Variants in ATG4C observed in about 807,000 individuals in gnomAD.
ATG4C encodes cysteine protease ATG4C.
A neutral mutation model predicts 57.6 loss-of-function variants in ATG4C; 56 were observed. The observed-to-expected ratio is 0.97, with a 90% CI of 0.78 to 1.21. ATG4C has a LOEUF of 1.21. Ranked by LOEUF, ATG4C falls within the 50% of genes most tolerant of loss-of-function variation. The pLI is 0.00. For missense variants in ATG4C, 595 were observed against 529.8 expected, an observed-to-expected ratio of 1.12 and a Z score of -1.21; for synonymous variants, 157 against 174.1, an observed-to-expected ratio of 0.90 and a Z score of 0.78.
chr1:62,859,033 G>C (rs578084145), intron 10 of ATG4C, among the ~76,000 whole-genome samples: 145 of 152,256 alleles, frequency 9.5e-4, no homozygotes, highest in African/African-American at 2.9e-3. Context: ...GAATGTACTT[G>C]CATAAACCTG....
Position 62,841,477 on chromosome 1 carries a change from C to T in ATG4C, c.1139C>T (p.Pro380Leu). The change falls in exon 10 of 11, where the codon CCC becomes CTC. Residue 380 changes from proline (P) to leucine (L), a missense_variant. Pro to Leu is a moderately conservative substitution (Grantham distance 98, BLOSUM62 -3). Transcript: ENST00000317868. Reference protein sequence around the residue: ...PKKMSFRKMDPSCTIGFYCRN... With the variant: ...PKKMSFRKMDLSCTIGFYCRN... Reference sequence around the variant, plus strand: ...AAGATGTCTTTTCGAAAAATGGATCCCAGCTGTACAATAGGATTTTACTGT... The same window carrying T: ...AAGATGTCTTTTCGAAAAATGGATCTCAGCTGTACAATAGGATTTTACTGT... 6.2e-7 allele frequency: 1 copy of T among 1,607,338 alleles called. No homozygotes were observed.
chr1:62,800,703 G>A (rs141603335), intron 1 of ATG4C, among the ~76,000 whole-genome samples: 2 of 152,230 alleles, frequency 1.3e-5, no homozygotes, highest in African/African-American at 4.8e-5. Context: ...TGGTGAGAGT[G>A]CTGCTAGTGA....
At chr1:62,836,731 A>G (rs1181517758) in intron 9 of ATG4C, among the ~76,000 whole-genome samples, 2 of 152,096 alleles carry the variant, frequency 1.3e-5, no homozygotes, top group Non-Finnish European at 2.9e-5. Context: ...TTCAATTATT[A>G]AAATCATTTT....
rs138300604 is a variant in ATG4C, at chr1:62,858,620, C to T, written c.1210-5372C>T. Among the ~76,000 whole-genome samples the T allele has an allele frequency of 2.2e-3, 329 of 152,108 alleles. 1 individual carries two copies. The highest frequency in any genetic ancestry group is 0.01 in the Middle Eastern group (3 of 294). On this transcript the variant is annotated intron_variant, in intron 10 of 10. Coordinates refer to ENST00000317868, the MANE Select transcript of ATG4C (RefSeq NM_032852.4). ...AGGAGGAGATAGAGAAGAAATCGTT[C>T]AGAAAATAGAAGGAAAAACAGGAAA... is the stretch of plus-strand genomic sequence containing the variant.
rs529821620 is a variant in ATG4C, at chr1:62,798,735, C to T, written c.-68-4984C>T. 1.4e-4 allele frequency among the ~76,000 whole-genome samples: 22 copies of T among 151,924 alleles called. No homozygotes were observed. The South Asian group carries it at 2.5e-3, about 17-fold the overall frequency. On this transcript the variant is annotated intron_variant, in intron 1 of 10. Transcript: ENST00000317868. ...TCTTGGCTCACTGCAAGCTCTGCCT[C>T]GCAGGTTCAAGTGATTCTCCTGCCT...
intron 3 of ATG4C, 87 bp from the exon 4 acceptor site, chr1:62,816,488 C>A: frequency 4.7e-6 from 4 of 849,078 alleles, no homozygotes; most frequent in Non-Finnish European, 3.4e-6. Context: ...TTGTGACATA[C>A]TTCACATCTT....
intron 9 of ATG4C, chr1:62,835,295 A>G: frequency 3.8e-6 from 1 of 260,526 alleles, no homozygotes; most frequent in East Asian, 1.2e-4. Flanking sequence ...ATTAAATCTT[A>G]GCCTTTAGTT....
chr1:62,857,764 A>G (rs954433640), intron 10 of ATG4C, among the ~76,000 whole-genome samples: 1 of 152,184 alleles, frequency 6.6e-6, no homozygotes, highest in Non-Finnish European at 1.5e-5. Flanking sequence ...TGAATGGTGT[A>G]CAAACACCAT....
chr1:62,796,936 C>T (rs548115268), intron 1 of ATG4C, among the ~76,000 whole-genome samples: 144 of 152,078 alleles, frequency 9.5e-4, no homozygotes, highest in African/African-American at 2.9e-3. Context: ...GGTGAAACCC[C>T]GTCTCTACTA....
chr1:62,841,614 C>A lies in ATG4C; in HGVS notation c.1209+67C>A, dbSNP rs968311044. 8 of 1,272,316 alleles carry A rather than the reference C, an allele frequency of 6.3e-6. No homozygotes were observed. The East Asian group carries it at 1.1e-4, about 17-fold the overall frequency. 78.8% of individuals were successfully genotyped at this position (1,272,316 alleles called of 1,614,324 possible). A position where few individuals can be genotyped will look rare whatever the true frequency, so the allele number is the denominator to read the frequency against. ...TTATTAGAAACAGACTGTCAGAAAG[C>A]AAAAACCTGTAAATTATAATTTTTT... is the stretch of plus-strand genomic sequence containing the variant. On this transcript the variant is annotated intron_variant, in intron 10 of 10. Coordinates refer to ENST00000317868, the MANE Select transcript of ATG4C (RefSeq NM_032852.4).
At chr1:62,831,209 A>C (rs941081920) in intron 7 of ATG4C, among the ~76,000 whole-genome samples, 3 of 152,170 alleles carry the variant, frequency 2.0e-5, no homozygotes, top group African/African-American at 7.2e-5. Flanking sequence ...GGAGTAGGTT[A>C]TATGATAGGT....
At chr1:62,824,699 ACT>A (rs893433575) in intron 6 of ATG4C, among the ~76,000 whole-genome samples, 2 of 94,910 alleles carry the variant, frequency 2.1e-5, no homozygotes, top group African/African-American at 8.7e-5. Flanking sequence ...ACAGGGTTTT[ACT>A]CTGTTGACCA....
chr1:62,828,183 T>A (rs7524508), intron 6 of ATG4C, among the ~76,000 whole-genome samples: 68,762 of 152,030 alleles, frequency 0.45, 15,655 homozygotes, highest in East Asian at 0.67. Context: ...CATTGCTAGG[T>A]CAAATGGTAG....
At chr1:62,788,374 G>A (rs1664155889) in intron 1 of ATG4C, among the ~76,000 whole-genome samples, 1 of 151,630 alleles carries the variant, frequency 6.6e-6, no homozygotes, top group South Asian at 2.1e-4. Context: ...TTAACATAGT[G>A]CCTCTTTTGC....
chr1:62,815,007 GT>G (rs1665219836), intron 3 of ATG4C, among the ~76,000 whole-genome samples: 1 of 152,178 alleles, frequency 6.6e-6, no homozygotes, highest in African/African-American at 2.4e-5. Context: ...AGAGATTGCA[GT>G]AAGTCAAGAT....
At chr1:62,793,151 G>C (rs1389053645) in intron 1 of ATG4C, among the ~76,000 whole-genome samples, 7 of 151,808 alleles carry the variant, frequency 4.6e-5, no homozygotes, top group Non-Finnish European at 8.8e-5. Flanking sequence ...CTCCCAAAGT[G>C]CTGGGACTAC....
At chr1:62,844,733 T>G (rs994557329) in intron 10 of ATG4C, among the ~76,000 whole-genome samples, 1 of 152,116 alleles carries the variant, frequency 6.6e-6, no homozygotes, top group Non-Finnish European at 1.5e-5. Context: ...TGGTAATCAC[T>G]ATCCTGAATT....
At chr1:62,806,700 G>A (rs911957893) in intron 3 of ATG4C, among the ~76,000 whole-genome samples, 2 of 152,168 alleles carry the variant, frequency 1.3e-5, no homozygotes, top group African/African-American at 2.4e-5. Flanking sequence ...GCAGCCGGAG[G>A]CTGTATGTCC....
chr1:62,842,861 C>T (rs1666213705), intron 10 of ATG4C, among the ~76,000 whole-genome samples: 1 of 152,040 alleles, frequency 6.6e-6, no homozygotes, highest in Non-Finnish European at 1.5e-5. Context: ...GTGAACATAA[C>T]AAAATATATA....
Sources: gnomAD v4.1 joint callset for allele counts (sites outside exome capture counted in the v4.1 genomes callset) on GRCh38, gnomAD v4.1.1 for gene constraint, MANE v1.5 for transcripts, NCBI Gene and HGNC (gene_info 2026-07-23, HGNC 2026-07-21) for gene names.